Variants in ANKRD26 observed in about 807,000 individuals in gnomAD.
The protein encoded by ANKRD26 is ankyrin repeat domain 26.
In ANKRD26, 141 loss-of-function variants were observed where a neutral mutation model predicts 208.7. The observed-to-expected ratio is 0.68, with a 90% CI of 0.59 to 0.78. The LOEUF is 0.78. Ranked by LOEUF, ANKRD26 falls within the 30% of genes least tolerant of loss-of-function variation. The pLI is 0.00. For synonymous variants in ANKRD26, 636 were observed against 660.4 expected, an observed-to-expected ratio of 0.96 and a Z score of 0.57; for missense variants, 1,889 against 1,938.7, an observed-to-expected ratio of 0.97 and a Z score of 0.48.
the ANKRD26 span, among the ~76,000 whole-genome samples, chr10:26,953,585 C>T: frequency 1.3e-5 from 2 of 152,094 alleles, no homozygotes; most frequent in Admixed American, 6.6e-5. Flanking sequence ...AAGGTTCAAA[C>T]ATTTGCAGTG....
chr10:26,972,051 C>T (rs71483823), downstream of ANKRD26, among the ~76,000 whole-genome samples: 12,389 of 151,868 alleles, frequency 0.082, 630 homozygotes, highest in East Asian at 0.24. Flanking sequence ...CTGGCTAACA[C>T]GGTGAAACCC....
intron 12 of ANKRD26, 74 bp downstream of exon 12, chr10:27,063,914 G>T: frequency 8.2e-7 from 1 of 1,216,652 alleles, no homozygotes; most frequent in Non-Finnish European, 1.2e-6. Flanking sequence ...TCGGCTATTA[G>T]AATATATCAA....
intron 5 of ANKRD26, among the ~76,000 whole-genome samples, chr10:26,994,338 T>C (rs1589177332): frequency 1.3e-5 from 2 of 152,330 alleles, no homozygotes; most frequent in East Asian, 3.9e-4. Flanking sequence ...GAATGACAGT[T>C]TCCAATAATA....
intron 9 of ANKRD26, among the ~76,000 whole-genome samples, chr10:27,067,738 T>A (rs2055316561): frequency 6.6e-6 from 1 of 152,100 alleles, no homozygotes; most frequent in Non-Finnish European, 1.5e-5. Context: ...TGTGATCCAA[T>A]CAACTCCCAC....
rs1397754242 is a variant in ANKRD26, at chr10:27,100,198, T to C, written c.129A>G (p.Arg43=). Residue 43 remains arginine, a synonymous_variant, in exon 1 of 34, where the codon CGA becomes CGG. Coordinates refer to ENST00000376087, the MANE Select transcript of ANKRD26 (RefSeq NM_014915.3). Reference sequence around the variant, plus strand: ...TGTGGATCTTGCCGAGATCTCGGTCTCGGACGTGGTAGCCGGGCTGCGAGT... The same window carrying C: ...TGTGGATCTTGCCGAGATCTCGGTCCCGGACGTGGTAGCCGGGCTGCGAGT... ...GAYSQPGYHV[R]DRDLGKIHKA... is the part of the protein sequence containing the mutation. 3 of 1,613,746 alleles carry C rather than the reference T, an allele frequency of 1.9e-6. No homozygotes were observed. The highest frequency in any genetic ancestry group is 2.5e-6 in the Non-Finnish European group (3 of 1,179,962).
At chr10:26,957,082 G>C in the ANKRD26 span, among the ~76,000 whole-genome samples, 1 of 152,206 alleles carries the variant, frequency 6.6e-6, no homozygotes, top group Non-Finnish European at 1.5e-5. Flanking sequence ...AAGAGATTTT[G>C]GCAAAATGAA....
At chr10:27,043,683 C>G in intron 19 of ANKRD26, 116 bp from the exon 20 acceptor site, 1 of 1,062,924 alleles carries the variant, frequency 9.4e-7, no homozygotes, top group Non-Finnish European at 1.4e-6. Context: ...TTAAAAAGAA[C>G]TGATTTTTGT....
intron 22 of ANKRD26, 120 bp downstream of exon 22, chr10:27,037,751 G>T: frequency 1.2e-6 from 1 of 814,032 alleles, no homozygotes; most frequent in Non-Finnish European, 1.9e-6. Context: ...AAAGGTCACA[G>T]GTCAGCTTGA....
chr10:27,034,684 GATAGAGTAA>G (rs2053984456), intron 24 of ANKRD26, 103 bp downstream of exon 24: 3 of 672,808 alleles, frequency 4.5e-6, no homozygotes, highest in Non-Finnish European at 7.2e-6. Flanking sequence ...TTTCTAAACT[GATAGAGTAA>G]ATAAGCTTAT....
chr10:27,034,678 T>C, intron 24 of ANKRD26, 118 bp downstream of exon 24: 2 of 650,798 alleles, frequency 3.1e-6, no homozygotes. Flanking sequence ...GGGATGTTTC[T>C]AAACTGATAG....
At chr10:27,031,416 TA>T (rs1335377642) in intron 25 of ANKRD26, among the ~76,000 whole-genome samples, 2 of 152,156 alleles carry the variant, frequency 1.3e-5, no homozygotes, top group Non-Finnish European at 2.9e-5. Flanking sequence ...ACATGCTAAG[TA>T]AAAGAAGCCA....
chr10:26,948,832 A>AC, the ANKRD26 span, among the ~76,000 whole-genome samples: 2 of 151,746 alleles, frequency 1.3e-5, no homozygotes, highest in East Asian at 1.9e-4. Context: ...TACTAAAAAG[A>AC]CCCCCCAAAA....
chr10:27,061,834 A>T, intron 12 of ANKRD26: 1 of 755,500 alleles, frequency 1.3e-6, no homozygotes, highest in Non-Finnish European at 1.6e-6. Flanking sequence ...CAAAGTGCTG[A>T]GTGACAGGCA....
chr10:27,046,442 T>A lies in ANKRD26; in HGVS notation c.1896A>T (p.Pro632=). The part of the protein sequence containing the change: ...KRTSKESVNS[P]VFGKASLLTG... ...TTAGTAAACTGGCCTTCCCAAACACTGGTGAATTCACAGATTCTTTCGAGG... is the reference window on the plus strand; with the variant it reads ...TTAGTAAACTGGCCTTCCCAAACACAGGTGAATTCACAGATTCTTTCGAGG... The change falls in exon 18 of 34, where the codon CCA becomes CCT. Residue 632 remains proline (P), a synonymous_variant. Transcript: ENST00000376087. The A allele has an allele frequency of 6.2e-7, 1 of 1,614,172 alleles. No homozygotes were observed. Among genetic ancestry groups the A allele is most frequent in the Non-Finnish European group, 8.5e-7 (1 of 1,180,024 alleles).
intron 33 of ANKRD26, among the ~76,000 whole-genome samples, chr10:27,006,163 A>G (rs1003678697): frequency 7.9e-5 from 12 of 152,224 alleles, no homozygotes; most frequent in Admixed American, 4.6e-4. Context: ...TCAATAACGT[A>G]GGCTTTTTGA....
chr10:27,018,963 A>G (rs1202432179), intron 29 of ANKRD26, among the ~76,000 whole-genome samples: 1 of 152,152 alleles, frequency 6.6e-6, no homozygotes, highest in Non-Finnish European at 1.5e-5. Context: ...ACCGTAGGCA[A>G]AAAAACAAAA....
At chr10:26,971,675 C>CAAAAAAA (rs1170237211), downstream of ANKRD26, among the ~76,000 whole-genome samples, 1 of 89,442 alleles carries the variant, frequency 1.1e-5, no homozygotes, top group African/African-American at 3.8e-5. Context: ...GACCATGTCT[C>CAAAAAAA]AAAAAAAAAA....
downstream of ANKRD26, among the ~76,000 whole-genome samples, chr10:26,971,964 A>C (rs113259809): frequency 2.8e-4 from 43 of 151,974 alleles, no homozygotes; most frequent in African/African-American, 7.7e-4. Flanking sequence ...GGCCGGGCGC[A>C]GTGGCTCACG....
At chr10:27,015,623 T>C (rs1306262862) in intron 30 of ANKRD26, among the ~76,000 whole-genome samples, 1 of 152,246 alleles carries the variant, frequency 6.6e-6, no homozygotes, top group Non-Finnish European at 1.5e-5. Flanking sequence ...TTGTAGATTG[T>C]GTTCCAAGAC....
Sources: allele counts gnomAD v4.1 joint callset (sites outside exome capture counted in the v4.1 genomes callset), GRCh38; gene constraint gnomAD v4.1.1; transcripts MANE v1.5; gene names NCBI Gene and HGNC (gene_info 2026-07-23, HGNC 2026-07-21).